VRK2: variants seen among roughly 807,000 people sequenced by gnomAD.
VRK2 encodes VRK serine/threonine kinase 2.
Under a neutral mutation model 57.6 loss-of-function variants are expected in VRK2, and 60 were observed. The observed-to-expected ratio is 1.04, with a 90% CI of 0.85 to 1.29. The LOEUF (loss-of-function observed/expected upper bound fraction) is 1.29. Ranked by LOEUF, VRK2 falls within the 50% of genes most tolerant of loss-of-function variation. VRK2 has a pLI of 0.00. For missense variants in VRK2, 705 were observed against 588.1 expected (o/e 1.20, Z -2.06); for synonymous variants, 231 against 199.2 (o/e 1.16, Z -1.35).
chr2:57,914,206 T>C (rs1182056138), intron 1 of VRK2, among the ~76,000 whole-genome samples: 2 of 151,736 alleles, frequency 1.3e-5, no homozygotes, highest in African/African-American at 2.4e-5. Flanking sequence ...TGAGGTCAGA[T>C]AGCCAAGATC....
chr2:58,140,378 T>TA (rs1037348132), intron 11 of VRK2, among the ~76,000 whole-genome samples: 12 of 150,078 alleles, frequency 8.0e-5, no homozygotes, highest in South Asian at 4.2e-4. Context: ...AACACCAACT[T>TA]AAAAAAAAAA....
At chr2:58,130,217 GC>G (rs1678982664) in intron 8 of VRK2, among the ~76,000 whole-genome samples, 1 of 152,100 alleles carries the variant, frequency 6.6e-6, no homozygotes, top group South Asian at 2.1e-4. Context: ...CAAACACTGT[GC>G]CAGAATATCA....
At chr2:58,082,101 A>C (rs1425048825) in intron 2 of VRK2, among the ~76,000 whole-genome samples, 1 of 151,804 alleles carries the variant, frequency 6.6e-6, no homozygotes, top group East Asian at 1.9e-4. Context: ...TCTGACTTGG[A>C]AGCTTATAGA....
At chr2:58,041,525 T>A (rs1402143550) in intron 3 of VRK2, among the ~76,000 whole-genome samples, 1 of 151,982 alleles carries the variant, frequency 6.6e-6, no homozygotes, top group East Asian at 1.9e-4. Flanking sequence ...TTTGTAGCAA[T>A]AAGATACCAA....
At chr2:57,924,988 T>A (rs1670484329) in intron 1 of VRK2, among the ~76,000 whole-genome samples, 1 of 152,118 alleles carries the variant, frequency 6.6e-6, no homozygotes, top group Non-Finnish European at 1.5e-5. Flanking sequence ...TTGTTCTTCA[T>A]TCTGTTGATA....
At chr2:58,114,250 G>A (rs1277154487) in intron 7 of VRK2, among the ~76,000 whole-genome samples, 1 of 152,140 alleles carries the variant, frequency 6.6e-6, no homozygotes, top group Non-Finnish European at 1.5e-5. Context: ...TGCCAGCAAA[G>A]ATTATTTATT....
chr2:57,941,480 C>A (rs1572887375), intron 1 of VRK2, among the ~76,000 whole-genome samples: 4 of 152,132 alleles, frequency 2.6e-5, no homozygotes, highest in Admixed American at 2.6e-4. Context: ...AAAGAGGATA[C>A]TAAATCTGAT....
chr2:58,062,916 T>C (rs75297255), intron 2 of VRK2, among the ~76,000 whole-genome samples: 9,455 of 152,166 alleles, frequency 0.062, 414 homozygotes, highest in Non-Finnish European at 0.094. Flanking sequence ...GAAACAGCCT[T>C]CTATTGGAAG....
chr2:57,937,142 C>T (rs763744430), intron 1 of VRK2, among the ~76,000 whole-genome samples: 1 of 152,110 alleles, frequency 6.6e-6, no homozygotes, highest in African/African-American at 2.4e-5. Context: ...GTACTGTAGA[C>T]CAATTCAGAA....
intron 2 of VRK2, among the ~76,000 whole-genome samples, chr2:58,032,341 G>A (rs1674139040): frequency 6.6e-6 from 1 of 152,014 alleles, no homozygotes; most frequent in Admixed American, 6.6e-5. Context: ...AGTTCTGGAG[G>A]GTGAGAACTC....
At chr2:57,909,600 T>G (rs1419469412) in intron 1 of VRK2, among the ~76,000 whole-genome samples, 2 of 152,172 alleles carry the variant, frequency 1.3e-5, no homozygotes, top group African/African-American at 4.8e-5. Context: ...ACTGAAATAT[T>G]TGAGAAATAA....
At chr2:57,996,121 T>C (rs1184410324) in intron 1 of VRK2, among the ~76,000 whole-genome samples, 4 of 152,240 alleles carry the variant, frequency 2.6e-5, no homozygotes, top group Non-Finnish European at 5.9e-5. Context: ...TATATGCAAA[T>C]ACTATGCCAT....
chr2:57,977,460 A>T (rs1381777874), intron 1 of VRK2, among the ~76,000 whole-genome samples: 1 of 150,992 alleles, frequency 6.6e-6, no homozygotes, highest in African/African-American at 2.4e-5. Flanking sequence ...ATTCCTGGGT[A>T]TTTTTTTTCT....
At position 58,084,867 on chromosome 2, in the gene VRK2, T is replaced by A. The variant is rs1671398677; in HGVS notation, c.187-14T>A. On this transcript the variant is annotated splice_polypyrimidine_tract_variant and intron_variant, in intron 3 of 12. Coordinates refer to ENST00000340157, the MANE Select transcript of VRK2 (RefSeq NM_006296.7). ...ATTTTTTTCTAGTAAAATTAATTAT[T>A]CTTTTTTTTATAGGAATATCAAGAA... The A allele has an allele frequency of 6.8e-7, 1 of 1,470,352 alleles. No individual in the cohort carries two copies. Among genetic ancestry groups the A allele is most frequent in the Non-Finnish European group, 9.2e-7 (1 of 1,081,578 alleles). 91.1% of individuals were successfully genotyped at this position (1,470,352 alleles called of 1,614,324 possible).
chr2:58,159,549 C>G lies in VRK2; in HGVS notation c.1383C>G (p.Ile461Met). The change falls in exon 13 of 13, where the codon ATC becomes ATG. Residue 461 changes from isoleucine (I) to methionine (M), a missense_variant. By Grantham distance (10) the Ile-to-Met change is conservative. Transcript: ENST00000340157. ...YKYTSTVSTG[I>M]TDLESSTGLW... ...ACACTTCCACAGTCAGCACGGGGAT[C>G]ACAGACTTAGAAAGTTCAACTGGAC... is the stretch of plus-strand genomic sequence containing the variant. The G allele has an allele frequency of 6.2e-7, 1 of 1,613,794 alleles. No individual in the cohort carries two copies. The highest frequency in any genetic ancestry group is 1.3e-5 in the African/African-American group (1 of 75,022).
chr2:57,940,642 T>C (rs553947141), intron 1 of VRK2, among the ~76,000 whole-genome samples: 1 of 152,296 alleles, frequency 6.6e-6, no homozygotes, highest in African/African-American at 2.4e-5. Flanking sequence ...TCTTTCTTCT[T>C]TCCTTTCCTT....
chr2:58,060,069 C>T (rs115444938), intron 2 of VRK2, among the ~76,000 whole-genome samples: 85 of 151,684 alleles, frequency 5.6e-4, no homozygotes, highest in African/African-American at 2.0e-3. Flanking sequence ...TTATGTAAAC[C>T]TTTTATCTTA....
chr2:58,034,453 T>C (rs553254575), intron 3 of VRK2, among the ~76,000 whole-genome samples: 1 of 152,144 alleles, frequency 6.6e-6, no homozygotes, highest in South Asian at 2.1e-4. Flanking sequence ...ACTACTGAAA[T>C]CAGCTCCTCC....
intron 7 of VRK2, among the ~76,000 whole-genome samples, chr2:58,116,101 C>G (rs1233950433): frequency 6.6e-6 from 1 of 152,074 alleles, no homozygotes; most frequent in Non-Finnish European, 1.5e-5. Context: ...TTTAGAAGCC[C>G]ATGCTGTAGC....
Sources: gnomAD v4.1 joint callset for allele counts (sites outside exome capture counted in the v4.1 genomes callset) on GRCh38, gnomAD v4.1.1 for gene constraint, MANE v1.5 for transcripts, NCBI Gene and HGNC (gene_info 2026-07-23, HGNC 2026-07-21) for gene names.